The following SND1 variants were observed in gnomAD, a reference collection of about 807,000 sequenced individuals.
SND1 encodes the protein staphylococcal nuclease domain-containing protein 1.
SND1 carries 38 observed loss-of-function variants against 121.7 expected under a neutral mutation model. The ratio of observed to expected loss-of-function variants is 0.31; its 90% confidence interval spans 0.24 to 0.41. SND1 has a LOEUF of 0.41. Ranked by LOEUF, SND1 falls within the 10% of genes least tolerant of loss-of-function variation. SND1 has a pLI of 1.00. For missense variants in SND1, 868 were observed against 1,184.6 expected (o/e 0.73, Z 3.92); for synonymous variants, 401 against 447.4 (o/e 0.90, Z 1.31).
chr7:128,076,274 TG>T (rs535005954), intron 17 of SND1, among the ~76,000 whole-genome samples: 174 of 152,318 alleles, frequency 1.1e-3, no homozygotes, highest in Non-Finnish European at 2.1e-3. Context: ...TGGGTTTGTC[TG>T]AAAGAGCCCA....
At chr7:128,030,009 A>G (rs1483186712) in intron 16 of SND1, 12 of 1,613,148 alleles carry the variant, frequency 7.4e-6, no homozygotes, top group Non-Finnish European at 1.0e-5. Context: ...GAGATTGGGC[A>G]TGTCTTTAAT....
At chr7:127,681,022 A>G (rs921097800) in intron 1 of SND1, among the ~76,000 whole-genome samples, 4 of 152,180 alleles carry the variant, frequency 2.6e-5, no homozygotes, top group Non-Finnish European at 4.4e-5. Context: ...TTCCCGCAAC[A>G]TATACACCTA....
intron 2 of SND1, chr7:127,686,974 C>A: frequency 2.1e-6 from 1 of 484,054 alleles, no homozygotes; most frequent in Non-Finnish European, 3.6e-6. Context: ...AGAGCTTTTT[C>A]TTGTACCTTT....
At chr7:128,023,290 C>A (rs1403269482) in intron 16 of SND1, among the ~76,000 whole-genome samples, 1 of 152,144 alleles carries the variant, frequency 6.6e-6, no homozygotes, top group East Asian at 1.9e-4. Context: ...CCTCCTAGTG[C>A]CTCCCCACTC....
chr7:127,897,755 G>A (rs1214102125), intron 13 of SND1, among the ~76,000 whole-genome samples: 2 of 152,000 alleles, frequency 1.3e-5, no homozygotes, highest in Non-Finnish European at 2.9e-5. Flanking sequence ...CTAGCAACAG[G>A]GGATTGATTA....
rs564675675 is a variant in SND1, at chr7:127,752,320, T to G, written c.1152+30920T>G. On this transcript the variant is annotated intron_variant, in intron 10 of 23. Coordinates refer to ENST00000354725, the MANE Select transcript of SND1 (RefSeq NM_014390.4). ...TAAACCCTGTGTGGTGAGTTTTGTT[T>G]TGCAGCCGTCGTAATGCTTATGTTC... 3.6e-4 allele frequency among the ~76,000 whole-genome samples: 55 copies of G among 152,304 alleles called. No homozygotes were observed. In the South Asian group the frequency reaches 9.7e-3, roughly 27 times the overall value.
chr7:127,943,499 A>G (rs1801262462), intron 15 of SND1, among the ~76,000 whole-genome samples: 1 of 152,188 alleles, frequency 6.6e-6, no homozygotes, highest in Admixed American at 6.5e-5. Flanking sequence ...TGTGTCTTCC[A>G]TGAAATCCAG....
intron 12 of SND1, chr7:127,857,888 A>G (rs1021961787): frequency 3.7e-6 from 5 of 1,361,868 alleles, no homozygotes; most frequent in East Asian, 2.3e-5. Flanking sequence ...GAGTTGTAGA[A>G]CTGACCACGA....
At chr7:127,967,792 T>C (rs1801889711) in intron 15 of SND1, among the ~76,000 whole-genome samples, 1 of 152,260 alleles carries the variant, frequency 6.6e-6, no homozygotes, top group African/African-American at 2.4e-5. Flanking sequence ...TCTGTTGACG[T>C]TGGTGAGGTC....
chr7:127,665,323 A>G (rs1386830033), intron 1 of SND1, among the ~76,000 whole-genome samples: 1 of 151,790 alleles, frequency 6.6e-6, no homozygotes, highest in African/African-American at 2.4e-5. Context: ...CATAGCTGGG[A>G]CTACAGGCGC....
chr7:128,075,948 G>C lies in SND1; in HGVS notation c.1968+1258G>C, dbSNP rs528576626. Among the ~76,000 whole-genome samples, 15 of 152,356 alleles carry C rather than the reference G, an allele frequency of 9.8e-5. No individual in the cohort carries two copies. In the South Asian group the frequency reaches 1.9e-3, roughly 19 times the overall value. On this transcript the variant is annotated intron_variant, in intron 17 of 23. Transcript: ENST00000354725. ...GTCCTCTGCCTGCTGCAGGGAGAGG[G>C]GGGGAGGGGCAGCGCTGGGGCCTCC...
chr7:127,935,439 AAGAT>A (rs778976199), intron 15 of SND1, among the ~76,000 whole-genome samples: 2 of 152,216 alleles, frequency 1.3e-5, no homozygotes, highest in Non-Finnish European at 2.9e-5. Context: ...GTTATAAAAA[AAGAT>A]AGAGTGAGAG....
intron 12 of SND1, chr7:127,858,532 G>A: frequency 2.2e-6 from 1 of 454,170 alleles, no homozygotes; most frequent in Non-Finnish European, 4.1e-6. Context: ...ATGCAGTGCA[G>A]ATCTAAAGCA....
At chr7:127,872,112 C>T (rs1799601330) in intron 12 of SND1, among the ~76,000 whole-genome samples, 1 of 152,154 alleles carries the variant, frequency 6.6e-6, no homozygotes, top group African/African-American at 2.4e-5. Flanking sequence ...GCCTGGGCAA[C>T]AAAGTGAGAC....
At chr7:128,048,141 C>T (rs1183819052) in intron 16 of SND1, among the ~76,000 whole-genome samples, 8 of 152,152 alleles carry the variant, frequency 5.3e-5, no homozygotes, top group East Asian at 3.9e-4. Flanking sequence ...CCACCGCACC[C>T]GACTGTCTTC....
rs762940928 is a variant in SND1 at position 128,029,272 on chromosome 7, C to T, written c.1779+38216C>T. On this transcript the variant is annotated intron_variant, in intron 16 of 23. Coordinates refer to ENST00000354725, the MANE Select transcript of SND1 (RefSeq NM_014390.4). This position sits in a 1 kb window ranked among gnomAD's most constrained non-coding sequence, Gnocchi z 4.2. ...GAGATCTCCGTGGTCTCCACTGTTA[C>T]TGTGGTGAAGAAGCTGTAGTTGGAG... 2 of 1,614,164 alleles carry T rather than the reference C, an allele frequency of 1.2e-6. No homozygotes were observed. Among genetic ancestry groups the T allele is most frequent in the Non-Finnish European group, 1.7e-6 (2 of 1,180,038 alleles).
intron 21 of SND1, among the ~76,000 whole-genome samples, chr7:128,087,985 T>C (rs1332188198): frequency 6.6e-6 from 1 of 152,186 alleles, no homozygotes; most frequent in Admixed American, 6.5e-5. Context: ...AGGTGCCTGG[T>C]ACCTGGAGTG....
intron 10 of SND1, among the ~76,000 whole-genome samples, chr7:127,774,933 T>C (rs1392326742): frequency 6.6e-6 from 1 of 152,240 alleles, no homozygotes; most frequent in Non-Finnish European, 1.5e-5. Context: ...GTTACACAAA[T>C]ACTCACCATT....
chr7:128,029,389 C>G lies in SND1; in HGVS notation c.1779+38333C>G, dbSNP rs1178453296. The G allele has an allele frequency of 1.9e-6, 3 of 1,614,212 alleles. No homozygotes were observed. The South Asian group carries it at 3.3e-5, about 18-fold the overall frequency. ...ACCATGCATGTGTACACCCCAGTGT[C>G]TGAAAGCAGCACGTGGGAAAAGTTC... On this transcript the variant is annotated intron_variant, in intron 16 of 23. Coordinates refer to ENST00000354725, the MANE Select transcript of SND1 (RefSeq NM_014390.4). This position sits in a 1 kb window ranked among gnomAD's most constrained non-coding sequence, Gnocchi z 4.2.
Sources: allele counts gnomAD v4.1 joint callset (sites outside exome capture counted in the v4.1 genomes callset), GRCh38; gene constraint gnomAD v4.1.1; non-coding constraint Gnocchi (gnomAD v3.1); transcripts MANE v1.5; gene names NCBI Gene and HGNC (gene_info 2026-07-23, HGNC 2026-07-21).